GRIP1: variants seen among roughly 807,000 people sequenced by gnomAD.
The protein encoded by GRIP1 is glutamate receptor interacting protein 1, also known as glutamate receptor-interacting protein 1.
In GRIP1, 45 loss-of-function variants were observed where a neutral mutation model predicts 129.9. That is an observed-to-expected ratio of 0.35 (90% CI 0.27 to 0.44). The LOEUF (loss-of-function observed/expected upper bound fraction) is 0.44, where lower values mean the gene tolerates loss of function less well. Ranked by LOEUF, GRIP1 falls within the 20% of genes least tolerant of loss-of-function variation. The pLI is 1.00. For missense variants in GRIP1, 1,196 were observed against 1,396.8 expected (o/e 0.86, Z 2.29); for synonymous variants, 530 against 520.8 (o/e 1.02, Z -0.24).
In GRIP1 at chr12:66,555,259, A is replaced by G. The variant is rs535059425; in HGVS notation, c.137-13309T>C. ...GGCAAGACAGTAAGAGTCTCTACCT[A>G]GTAATCCAGATAATTTTTCTGGATC... is the stretch of plus-strand genomic sequence containing the variant. On this transcript the variant is annotated intron_variant, in intron 2 of 24. Coordinates refer to ENST00000359742, the MANE Select transcript of GRIP1 (RefSeq NM_001366722.1). Among the ~76,000 whole-genome samples the G allele has an allele frequency of 3.8e-4, 58 of 152,338 alleles. 1 individual carries two copies. Among genetic ancestry groups the G allele is most frequent in the African/African-American group, 1.3e-3 (55 of 41,588 alleles).
rs1227657627 is a variant in GRIP1 at position 66,462,985 on chromosome 12, C to G, written c.981G>C (p.Gln327His). 1.2e-6 allele frequency: 2 copies of G among 1,614,038 alleles called. No individual in the cohort carries two copies. Among genetic ancestry groups the G allele is most frequent in the East Asian group, 2.2e-5 (1 of 44,860 alleles). ...ATQFLANTTDQVKLEILPHHQ... is the reference protein window; with the variant it reads ...ATQFLANTTDHVKLEILPHHQ... ...GATGGGGAAGGATCTCAAGCTTGAC[C>G]TGGTCAGTGGTGTTGGCCAGGAACT... is the stretch of plus-strand genomic sequence containing the variant. The change falls in exon 9 of 25, where the codon CAG becomes CAC. Residue 327 changes from glutamine to histidine, a missense_variant. Transcript: ENST00000359742.
At chr12:66,422,221 A>G (rs2057827428) in intron 14 of GRIP1, among the ~76,000 whole-genome samples, 2 of 152,238 alleles carry the variant, frequency 1.3e-5, no homozygotes, top group Non-Finnish European at 2.9e-5. Flanking sequence ...AAGAAAACGC[A>G]TATACCGATA....
In GRIP1 at chr12:66,449,940, G is replaced by C. The variant is rs556749491; in HGVS notation, c.1355-4432C>G. On this transcript the variant is annotated intron_variant, in intron 11 of 24. Transcript: ENST00000359742. ...AGATCACAATTTGATACAGATTATC[G>C]GACTACTTAATTGGAGTTAAAAGCT... Among the ~76,000 whole-genome samples the C allele has an allele frequency of 5.3e-4, 81 of 151,682 alleles. 2 individuals carry two copies. The South Asian group carries it at 0.017, about 31-fold the overall frequency.
At chr12:66,678,128 A>G (rs1181790020) in intron 1 of GRIP1, among the ~76,000 whole-genome samples, 4 of 152,194 alleles carry the variant, frequency 2.6e-5, no homozygotes, top group Admixed American at 2.6e-4. Flanking sequence ...AATGCTCACA[A>G]AGTAAACGAG....
At chr12:66,776,254 T>C (rs1392096674) in intron 1 of GRIP1, among the ~76,000 whole-genome samples, 1 of 152,200 alleles carries the variant, frequency 6.6e-6, no homozygotes, top group Admixed American at 6.5e-5. Context: ...CCTACATAGG[T>C]ATCCAATTCA....
chr12:66,632,662 G>A (rs2030936399), intron 1 of GRIP1, among the ~76,000 whole-genome samples: 1 of 152,136 alleles, frequency 6.6e-6, no homozygotes, highest in Admixed American at 6.5e-5. Flanking sequence ...TGAGGAAATG[G>A]TTCTTAATCT....
chr12:66,808,548 C>T (rs1019520709), upstream of GRIP1, among the ~76,000 whole-genome samples: 4 of 152,038 alleles, frequency 2.6e-5, no homozygotes, highest in Non-Finnish European at 4.4e-5. Flanking sequence ...CTGCCCACCT[C>T]GGCCTCCCAA....
chr12:66,653,070 G>C (rs1183497339), intron 1 of GRIP1, among the ~76,000 whole-genome samples: 11 of 152,202 alleles, frequency 7.2e-5, no homozygotes, highest in Admixed American at 7.2e-4. Flanking sequence ...TGTCAGAAAA[G>C]TCATGGTTGT....
At chr12:66,969,557 C>T (rs1036653549) in intron 1 of GRIP1, among the ~76,000 whole-genome samples, 16 of 152,006 alleles carry the variant, frequency 1.1e-4, no homozygotes, top group African/African-American at 2.4e-4. Flanking sequence ...GCTGGGACCA[C>T]GGGCATATGC....
At chr12:66,731,296 T>C (rs1329461767) in intron 1 of GRIP1, among the ~76,000 whole-genome samples, 1 of 152,226 alleles carries the variant, frequency 6.6e-6, no homozygotes, top group East Asian at 1.9e-4. Flanking sequence ...ATCATTAAGC[T>C]GGTATTATAA....
intron 1 of GRIP1, among the ~76,000 whole-genome samples, chr12:66,960,164 T>C (rs773030871): frequency 3.3e-5 from 5 of 152,286 alleles, no homozygotes; most frequent in Non-Finnish European, 7.4e-5. Flanking sequence ...AGTGGCTTGT[T>C]GACATTTACT....
rs374657375 is a variant in GRIP1, at chr12:66,525,171, C to T, written c.502+4660G>A. Among the ~76,000 whole-genome samples, 15 of 152,326 alleles carry T rather than the reference C, an allele frequency of 9.8e-5. No individual in the cohort carries two copies. In the East Asian group the frequency reaches 2.7e-3, roughly 27 times the overall value. ...TAGAAAAAGAGGGAATCCTCCCTAA[C>T]TCAATTTATGAGGTTTGCATTATCC... is the stretch of plus-strand genomic sequence containing the variant. On this transcript the variant is annotated intron_variant, in intron 5 of 24. Transcript: ENST00000359742.
At chr12:66,350,391 G>T (rs141069970) in intron 24 of GRIP1, among the ~76,000 whole-genome samples, 1 of 152,086 alleles carries the variant, frequency 6.6e-6, no homozygotes, top group Admixed American at 6.6e-5. Context: ...CAGCTACTTG[G>T]GAGCTGGCTG....
At chr12:66,837,743 G>C (rs2039641114) in intron 1 of GRIP1, among the ~76,000 whole-genome samples, 1 of 152,164 alleles carries the variant, frequency 6.6e-6, no homozygotes, top group African/African-American at 2.4e-5. Context: ...CTATCGCAAT[G>C]GTCCAGGCAT....
At chr12:66,879,649 T>C (rs1168765955) in intron 1 of GRIP1, among the ~76,000 whole-genome samples, 1 of 151,998 alleles carries the variant, frequency 6.6e-6, no homozygotes, top group Non-Finnish European at 1.5e-5. Flanking sequence ...AGTAACAGAG[T>C]TAAGAGGCAC....
intron 4 of GRIP1, among the ~76,000 whole-genome samples, chr12:66,538,125 C>T (rs1337637731): frequency 6.6e-6 from 1 of 151,988 alleles, no homozygotes; most frequent in African/African-American, 2.4e-5. Flanking sequence ...GGCACATTCA[C>T]GCTGTTTACA....
chr12:66,779,393 C>A (rs1592837720), intron 1 of GRIP1, among the ~76,000 whole-genome samples: 2 of 152,210 alleles, frequency 1.3e-5, no homozygotes, highest in East Asian at 1.9e-4. Context: ...TTAAGAGTCA[C>A]TTAAATTTTT....
intron 1 of GRIP1, among the ~76,000 whole-genome samples, chr12:66,971,023 G>A (rs988715985): frequency 6.6e-6 from 1 of 152,138 alleles, no homozygotes; most frequent in African/African-American, 2.4e-5. Context: ...GTTTCCGGGA[G>A]GTAAAATCCA....
intron 1 of GRIP1, among the ~76,000 whole-genome samples, chr12:67,016,254 G>A (rs1393527970): frequency 6.6e-6 from 1 of 152,094 alleles, no homozygotes; most frequent in Admixed American, 6.6e-5. Context: ...TTAAAGCACT[G>A]AGACACAAAA....
Sources: gnomAD v4.1 joint callset for allele counts (sites outside exome capture counted in the v4.1 genomes callset) on GRCh38, gnomAD v4.1.1 for gene constraint, MANE v1.5 for transcripts, NCBI Gene and HGNC (gene_info 2026-07-23, HGNC 2026-07-21) for gene names.